The following CCDC141 variants were observed in gnomAD, a reference collection of about 807,000 sequenced individuals.
CCDC141 encodes coiled-coil domain-containing protein 141.
Under a neutral mutation model 181.0 loss-of-function variants are expected in CCDC141, and 168 were observed. The ratio of observed to expected loss-of-function variants is 0.93; its 90% CI spans 0.82 to 1.05. The LOEUF is 1.05. Ranked by LOEUF, CCDC141 falls within the 50% of genes least tolerant of loss-of-function variation. The pLI, the probability that CCDC141 is intolerant of heterozygous loss-of-function variation, is 0.00. For synonymous variants in CCDC141, 666 were observed against 642.3 expected (o/e 1.04, Z -0.56); for missense variants, 1,902 against 1,788.5 (o/e 1.06, Z -1.14).
chr2:178,854,589 T>C (rs954219028), intron 19 of CCDC141, among the ~76,000 whole-genome samples: 7 of 152,200 alleles, frequency 4.6e-5, no homozygotes, highest in Admixed American at 1.3e-4. Flanking sequence ...GAAGCACTTA[T>C]GCAGGGTGAG....
chr2:178,860,470 T>C (rs1685556881), intron 17 of CCDC141, among the ~76,000 whole-genome samples: 2 of 149,060 alleles, frequency 1.3e-5, no homozygotes, highest in Non-Finnish European at 3.0e-5. Flanking sequence ...GAGGCAGATG[T>C]TGCAGTGAGC....
intron 2 of CCDC141, among the ~76,000 whole-genome samples, chr2:179,043,766 A>G (rs780952279): frequency 6.6e-6 from 1 of 152,234 alleles, no homozygotes; most frequent in Non-Finnish European, 1.5e-5. Context: ...ATACCAGCAC[A>G]AGACAAGGAT....
chr2:178,992,703 G>A lies in CCDC141; in HGVS notation c.226-14028C>T, dbSNP rs187530619. Among the ~76,000 whole-genome samples, 68 of 152,210 alleles carry A rather than the reference G, an allele frequency of 4.5e-4. 1 individual carries two copies. The highest frequency in any genetic ancestry group is 1.5e-3 in the East Asian group (8 of 5,184). On this transcript the variant is annotated intron_variant, in intron 2 of 23. Transcript: ENST00000443758. ...TCTTTCCATAAATAGGGGTTGCATC[G>A]TGATATGGTTTGGCTGTGCCCTCAC...
chr2:178,829,167 AT>A (rs1684172196), downstream of CCDC141, among the ~76,000 whole-genome samples: 1 of 152,222 alleles, frequency 6.6e-6, no homozygotes, highest in African/African-American at 2.4e-5. Flanking sequence ...GTTAAAATAT[AT>A]TTTGATTTCA....
chr2:178,987,592 A>T (rs945550362), intron 2 of CCDC141, among the ~76,000 whole-genome samples: 1 of 151,232 alleles, frequency 6.6e-6, no homozygotes. Flanking sequence ...TAATATCCAG[A>T]ATCTACAATG....
chr2:178,903,356 T>C (rs537357745), intron 8 of CCDC141, among the ~76,000 whole-genome samples: 1,823 of 151,744 alleles, frequency 0.012, 38 homozygotes, highest in African/African-American at 0.042. Context: ...TGGAACCAAC[T>C]GAAATGTCCA....
In CCDC141 at chr2:178,831,005, G is replaced by A. The variant is rs1684227009; in HGVS notation, c.*3168C>T. 6.6e-6 allele frequency: 1 copy of A among 152,046 alleles called. No homozygotes were observed. Among genetic ancestry groups the A allele is most frequent in the Non-Finnish European group, 1.5e-5 (1 of 68,028 alleles). 9.4% of individuals were successfully genotyped at this position (152,046 alleles called of 1,614,324 possible). ...TGTAAAGGGTCTATGAACTACTTGA[G>A]GAAATTTAAATTTGAGCAAAGCAGT... On this transcript the variant is annotated 3_prime_UTR_variant, in exon 24 of 24. Coordinates refer to ENST00000443758, the MANE Select transcript of CCDC141 (RefSeq NM_173648.4).
At chr2:178,903,199 C>T (rs1168216349) in intron 8 of CCDC141, among the ~76,000 whole-genome samples, 3 of 126,400 alleles carry the variant, frequency 2.4e-5, no homozygotes, top group African/African-American at 8.9e-5. Context: ...GTCAGTGTGG[C>T]GATTCCTCAG....
chr2:178,990,512 G>A (rs1050306695), intron 2 of CCDC141, among the ~76,000 whole-genome samples: 7 of 142,940 alleles, frequency 4.9e-5, no homozygotes, highest in African/African-American at 1.8e-4. Flanking sequence ...GTACAAAAGA[G>A]AGAGAGAGAA....
intron 8 of CCDC141, 58 bp from the exon 9 acceptor site, chr2:178,888,726 T>G: frequency 6.5e-7 from 1 of 1,533,762 alleles, no homozygotes; most frequent in Non-Finnish European, 8.8e-7. Context: ...CACAGAATAT[T>G]TGAAAACAGA....
chr2:178,868,257 T>C (rs745379268), intron 15 of CCDC141, 52 bp from the exon 16 acceptor site: 44 of 1,503,728 alleles, frequency 2.9e-5, no homozygotes, highest in Non-Finnish European at 3.8e-5. Flanking sequence ...AAGACAAATT[T>C]TTTTTTAAGC....
intron 2 of CCDC141, among the ~76,000 whole-genome samples, chr2:179,008,508 A>T (rs546966084): frequency 2.0e-5 from 3 of 152,190 alleles, no homozygotes; most frequent in Non-Finnish European, 4.4e-5. Flanking sequence ...CACTCAGTGA[A>T]CTGGCTGCAC....
At chr2:178,848,346 T>A (rs1387472) in intron 21 of CCDC141, among the ~76,000 whole-genome samples, 2 of 152,154 alleles carry the variant, frequency 1.3e-5, no homozygotes, top group African/African-American at 2.4e-5. Flanking sequence ...GAACTTGACT[T>A]GGTAAGGAAG....
Position 179,030,410 on chromosome 2 carries a change from G to A in CCDC141, c.225+16874C>T, listed in dbSNP as rs970796655. Among the ~76,000 whole-genome samples, 7 of 152,038 alleles carry A rather than the reference G, an allele frequency of 4.6e-5. No homozygotes were observed. In the South Asian group the frequency reaches 1.2e-3, roughly 27 times the overall value. ...GAATCTGAATTGCATTTGGCCTCCC[G>A]TGTTGTTATCATTAAGAAACATAAC... On this transcript the variant is annotated intron_variant, in intron 2 of 23. Coordinates refer to ENST00000443758, the MANE Select transcript of CCDC141 (RefSeq NM_173648.4).
chr2:179,048,994 A>T (rs1250099524), intron 1 of CCDC141, among the ~76,000 whole-genome samples: 2 of 152,224 alleles, frequency 1.3e-5, no homozygotes. Flanking sequence ...GTTTGTGACC[A>T]TCAGCTTGTT....
intron 18 of CCDC141, 59 bp downstream of exon 18, chr2:178,856,198 A>T: frequency 7.2e-7 from 1 of 1,394,552 alleles, no homozygotes; most frequent in Non-Finnish European, 9.5e-7. Context: ...CAATTTTGCA[A>T]TAATTGTGTA....
chr2:178,868,103 T>C lies in CCDC141; in HGVS notation c.2497A>G (p.Lys833Glu). ...VQIHLRCSQE[K>E]QARVDHLHRL... Reference sequence around the variant, plus strand: ...TGGAGATGGTCTACACGGGCTTGCTTTTCCTGAGAGCACCGGAGGTGAATC... The same window carrying C: ...TGGAGATGGTCTACACGGGCTTGCTCTTCCTGAGAGCACCGGAGGTGAATC... Residue 833 changes from lysine to glutamate, a missense_variant, in exon 16 of 24, where the codon AAG becomes GAG. Transcript: ENST00000443758. 5 of 1,614,032 alleles carry C rather than the reference T, an allele frequency of 3.1e-6. No individual in the cohort carries two copies. Among genetic ancestry groups the C allele is most frequent in the Non-Finnish European group, 4.2e-6 (5 of 1,179,944 alleles).
chr2:178,923,207 C>T (rs374676025), intron 6 of CCDC141, among the ~76,000 whole-genome samples: 26 of 150,484 alleles, frequency 1.7e-4, no homozygotes, highest in Middle Eastern at 3.4e-3. Flanking sequence ...CGGGTTCACG[C>T]CATTCTCCTG....
In CCDC141 at chr2:178,978,976, A is replaced by G. The variant is rs573976043; in HGVS notation, c.226-301T>C. Among the ~76,000 whole-genome samples the G allele has an allele frequency of 1.6e-4, 24 of 152,292 alleles. No individual in the cohort carries two copies. In the South Asian group the frequency reaches 4.6e-3, roughly 29 times the overall value. Reference sequence around the variant, plus strand: ...GGGTATAGAATATTATGTTAATCTAACAGTTCCAAAAAAAATAAGAAAAGT... The same window carrying G: ...GGGTATAGAATATTATGTTAATCTAGCAGTTCCAAAAAAAATAAGAAAAGT... On this transcript the variant is annotated intron_variant, in intron 2 of 23. Transcript: ENST00000443758.
Sources: gnomAD v4.1 joint callset for allele counts (sites outside exome capture counted in the v4.1 genomes callset) on GRCh38, gnomAD v4.1.1 for gene constraint, MANE v1.5 for transcripts, NCBI Gene and HGNC (gene_info 2026-07-23, HGNC 2026-07-21) for gene names.